DLC1: variants seen among roughly 807,000 people sequenced by gnomAD.
DLC1 encodes DLC1 Rho GTPase activating protein.
Under a neutral mutation model 140.3 loss-of-function variants are expected in DLC1, and 54 were observed. The ratio of observed to expected loss-of-function variants is 0.38; its 90% CI spans 0.31 to 0.48. The LOEUF (loss-of-function observed/expected upper bound fraction) is 0.48, where lower values mean the gene tolerates loss of function less well. Among genes scored for constraint, DLC1 ranks in the 20% least tolerant of loss-of-function variants. The pLI, the probability that DLC1 is intolerant of heterozygous loss-of-function variation, is 0.96. For missense variants in DLC1, 2,536 were observed against 1,907.0 expected (o/e 1.33, Z -6.14); for synonymous variants, 986 against 728.1 (o/e 1.35, Z -5.70).
chr8:13,170,204 T>C (rs531887967), intron 5 of DLC1, among the ~76,000 whole-genome samples: 29 of 152,314 alleles, frequency 1.9e-4, no homozygotes, highest in African/African-American at 5.8e-4. Context: ...TCTTTAGAGA[T>C]GGAGATGTTA....
intron 2 of DLC1, among the ~76,000 whole-genome samples, chr8:13,453,404 G>GTATATATATATATATATATGTA (rs1799170275): frequency 5.7e-4 from 13 of 22,964 alleles, no homozygotes; most frequent in Admixed American, 1.1e-3. Context: ...ATATATATGT[G>GTATATATATATATATATATGTA]TATATATATA....
chr8:13,217,854 C>T, intron 5 of DLC1, among the ~76,000 whole-genome samples: 1 of 121,008 alleles, frequency 8.3e-6, no homozygotes, highest in East Asian at 2.1e-4. Flanking sequence ...AAAACAACAA[C>T]AAAAAAAAAC....
chr8:13,304,768 A>G (rs1009815182), intron 5 of DLC1: 1 of 953,590 alleles, frequency 1.0e-6, no homozygotes, highest in African/African-American at 1.8e-5. Context: ...ATACTGTTAA[A>G]TAATTATAAT....
At chr8:13,233,365 A>G (rs912316179) in intron 5 of DLC1, among the ~76,000 whole-genome samples, 3 of 149,412 alleles carry the variant, frequency 2.0e-5, no homozygotes, top group African/African-American at 4.9e-5. Context: ...TGCAAAATAG[A>G]TATTTGAAAA....
In DLC1 at chr8:13,099,240, G is replaced by A. The variant is rs1818770645; in HGVS notation, c.2990+107C>T. ...TGACACCTTCCTTAGGAATGGACATGGCTAAGAATGCCAGACTTAATCCCA... is the reference window on the plus strand; with the variant it reads ...TGACACCTTCCTTAGGAATGGACATAGCTAAGAATGCCAGACTTAATCCCA... On this transcript the variant is annotated intron_variant, in intron 9 of 17. Transcript: ENST00000276297. The A allele has an allele frequency of 9.4e-6, 14 of 1,491,740 alleles. 1 individual carries two copies. The Middle Eastern group carries it at 1.6e-3, about 171-fold the overall frequency. 92.4% of individuals were successfully genotyped at this position (1,491,740 alleles called of 1,614,324 possible). A position where few individuals can be genotyped will look rare whatever the true frequency, so the allele number is the denominator to read the frequency against.
Position 13,092,808 on chromosome 8 carries a change from G to C in DLC1, c.3544C>G (p.Arg1182Gly). The C allele has an allele frequency of 1.2e-6, 2 of 1,613,600 alleles. No homozygotes were observed. ...ATGGCAGCCTTGATGGCCTGCAGGC[G>C]CTGGTCCTTGGGCACATCTGCACGA... ...QIYQYVPKDQRLQAIKAAIML... is the reference protein window; with the variant it reads ...QIYQYVPKDQGLQAIKAAIML... Residue 1182 changes from arginine to glycine, a missense_variant, in exon 13 of 18, where the codon CGC (arginine) becomes GGC (glycine). Arg to Gly is a moderately radical substitution (Grantham distance 125, BLOSUM62 -2). Coordinates refer to ENST00000276297, the MANE Select transcript of DLC1 (RefSeq NM_182643.3).
chr8:13,194,991 C>CA (rs1826965189), intron 5 of DLC1, among the ~76,000 whole-genome samples: 1 of 152,166 alleles, frequency 6.6e-6, no homozygotes, highest in Admixed American at 6.5e-5. Context: ...GTGTGGGTGA[C>CA]AGAGCAAGAT....
chr8:13,351,049 C>CAGTTT (rs1218617474), intron 4 of DLC1, among the ~76,000 whole-genome samples: 4 of 152,132 alleles, frequency 2.6e-5, no homozygotes, highest in Non-Finnish European at 4.4e-5. Flanking sequence ...AATTTAGGGA[C>CAGTTT]AGTTTTCATG....
chr8:13,229,200 T>C (rs1003042541), intron 5 of DLC1, among the ~76,000 whole-genome samples: 1 of 152,130 alleles, frequency 6.6e-6, no homozygotes, highest in African/African-American at 2.4e-5. Flanking sequence ...AACTGGACAT[T>C]TGGATAAATG....
At chr8:13,594,336 G>C (rs369469462) in intron 1 of DLC1, among the ~76,000 whole-genome samples, 1 of 151,932 alleles carries the variant, frequency 6.6e-6, no homozygotes, top group African/African-American at 2.4e-5. Flanking sequence ...AGCCTACTTC[G>C]CTCTGTATCA....
chr8:13,430,121 T>C (rs191783309), intron 2 of DLC1, among the ~76,000 whole-genome samples: 5 of 152,210 alleles, frequency 3.3e-5, no homozygotes, highest in African/African-American at 1.2e-4. Context: ...TATAAAATTC[T>C]CTAAGTTAGT....
intron 1 of DLC1, among the ~76,000 whole-genome samples, chr8:13,573,399 T>C (rs1804733563): frequency 6.6e-6 from 1 of 152,184 alleles, no homozygotes; most frequent in Non-Finnish European, 1.5e-5. Flanking sequence ...TAAGAGTGTA[T>C]CTACAACAGA....
intron 2 of DLC1, among the ~76,000 whole-genome samples, chr8:13,457,430 G>A (rs1799444743): frequency 1.3e-5 from 2 of 151,972 alleles, no homozygotes; most frequent in African/African-American, 2.4e-5. Flanking sequence ...TGTAATCCCA[G>A]CACTTTGAGA....
intron 4 of DLC1, among the ~76,000 whole-genome samples, chr8:13,306,076 A>G (rs531283958): frequency 1.2e-4 from 19 of 152,212 alleles, no homozygotes; most frequent in South Asian, 1.2e-3. Context: ...AATCACATCT[A>G]CTTCAGAGGA....
At chr8:13,390,737 C>T (rs1836717666) in intron 4 of DLC1, among the ~76,000 whole-genome samples, 1 of 152,166 alleles carries the variant, frequency 6.6e-6, no homozygotes, top group Non-Finnish European at 1.5e-5. Context: ...CCTGTAATCC[C>T]AGCACTTTGG....
intron 5 of DLC1, among the ~76,000 whole-genome samples, chr8:13,160,710 G>A (rs1011957253): frequency 1.3e-5 from 2 of 152,212 alleles, no homozygotes; most frequent in Non-Finnish European, 2.9e-5. Context: ...AGGGACGGCA[G>A]GGAGCAGGTA....
intron 5 of DLC1, among the ~76,000 whole-genome samples, chr8:13,286,091 T>C (rs777833939): frequency 1.4e-4 from 22 of 152,188 alleles, no homozygotes; most frequent in Non-Finnish European, 2.8e-4. Flanking sequence ...AACAATCCAA[T>C]TGAAAAATCA....
At chr8:13,095,444 T>C (rs973604343) in intron 10 of DLC1, 199 bp from the exon 11 acceptor site, 10 of 630,182 alleles carry the variant, frequency 1.6e-5, no homozygotes, top group Non-Finnish European at 2.5e-5. Flanking sequence ...TCATCTTTTG[T>C]GCTCAGTACC....
chr8:13,083,562 T>G lies in DLC1; in HGVS notation c.*2249A>C, dbSNP rs1817314079. ...CTTGAAAATGTTCATATCCTTCAAATTCTTCTCTTGTCAAATTAAACAGTG... is the reference window on the plus strand; with the variant it reads ...CTTGAAAATGTTCATATCCTTCAAAGTCTTCTCTTGTCAAATTAAACAGTG... On this transcript the variant is annotated 3_prime_UTR_variant, in exon 18 of 18. Coordinates refer to ENST00000276297, the MANE Select transcript of DLC1 (RefSeq NM_182643.3). 1.3e-5 allele frequency: 2 copies of G among 152,572 alleles called. No individual in the cohort carries two copies. Among genetic ancestry groups the G allele is most frequent in the Admixed American group, 1.3e-4 (2 of 15,284 alleles). 9.5% of individuals were successfully genotyped at this position (152,572 alleles called of 1,614,324 possible).
Sources: allele counts gnomAD v4.1 joint callset (sites outside exome capture counted in the v4.1 genomes callset), GRCh38; gene constraint gnomAD v4.1.1; transcripts MANE v1.5; gene names NCBI Gene and HGNC (gene_info 2026-07-23, HGNC 2026-07-21).